Variants in CSMD1 observed in about 807,000 individuals in gnomAD.
The protein encoded by CSMD1 is CUB and sushi domain-containing protein 1.
A neutral mutation model predicts 417.5 loss-of-function variants in CSMD1; 213 were observed. The ratio of observed to expected loss-of-function variants is 0.51; its 90% confidence interval spans 0.46 to 0.57. The LOEUF is 0.57. Ranked by LOEUF, CSMD1 falls within the 20% of genes least tolerant of loss-of-function variation. CSMD1 has a pLI of 0.00. For missense variants in CSMD1, 6,923 were observed against 4,529.7 expected, an observed-to-expected ratio of 1.53 and a Z score of -15.17; for synonymous variants, 2,862 against 1,736.8, an observed-to-expected ratio of 1.65 and a Z score of -16.11.
At chr8:4,008,907 G>C (rs1816342285) in intron 4 of CSMD1, among the ~76,000 whole-genome samples, 1 of 152,138 alleles carries the variant, frequency 6.6e-6, no homozygotes, top group South Asian at 2.1e-4. Context: ...ACCGCGCCCA[G>C]TCTGATTCAG....
chr8:4,088,192 A>G (rs1478032164), intron 3 of CSMD1, among the ~76,000 whole-genome samples: 1 of 152,114 alleles, frequency 6.6e-6, no homozygotes, highest in Non-Finnish European at 1.5e-5. Flanking sequence ...TTAATGCCCA[A>G]TCCCTTCATT....
chr8:4,844,278 T>C (rs1376573438), intron 1 of CSMD1, among the ~76,000 whole-genome samples: 1 of 152,182 alleles, frequency 6.6e-6, no homozygotes, highest in Non-Finnish European at 1.5e-5. Flanking sequence ...TCGGTGTTTT[T>C]GTTTACCTAA....
At chr8:4,009,284 C>A (rs1383761970) in intron 4 of CSMD1, among the ~76,000 whole-genome samples, 2 of 152,182 alleles carry the variant, frequency 1.3e-5, no homozygotes, top group African/African-American at 2.4e-5. Context: ...GTGTATTTCT[C>A]AACTCTAGAA....
intron 23 of CSMD1, among the ~76,000 whole-genome samples, chr8:3,338,202 A>G (rs762991035): frequency 6.6e-6 from 1 of 152,124 alleles, no homozygotes; most frequent in Admixed American, 6.5e-5. Flanking sequence ...TTGTTGAACC[A>G]CACGTGTATG....
rs1212144778 is a variant in CSMD1, at chr8:4,027,478, A to G, written c.610+4427T>C. ...TTCTTGTGACAGTGGGTGAGTTCTC[A>G]TGAGATATGATGGCTTTATAAGGGT... is the stretch of plus-strand genomic sequence containing the variant. On this transcript the variant is annotated intron_variant, in intron 4 of 69. Transcript: ENST00000635120. Among the ~76,000 whole-genome samples, 3 of 152,052 alleles carry G rather than the reference A, an allele frequency of 2.0e-5. No individual in the cohort carries two copies. The East Asian group carries it at 5.8e-4, about 29-fold the overall frequency.
At chr8:4,538,151 T>C (rs1797195766) in intron 2 of CSMD1, among the ~76,000 whole-genome samples, 1 of 151,778 alleles carries the variant, frequency 6.6e-6, no homozygotes, top group Non-Finnish European at 1.5e-5. Context: ...GGCACAGGTA[T>C]ACCATGACTC....
intron 3 of CSMD1, among the ~76,000 whole-genome samples, chr8:4,338,776 G>A (rs960557037): frequency 2.0e-5 from 3 of 151,916 alleles, no homozygotes; most frequent in African/African-American, 7.3e-5. Flanking sequence ...GAACCCAAAT[G>A]AATCATATTG....
intron 18 of CSMD1, among the ~76,000 whole-genome samples, chr8:3,369,774 G>T (rs270095): frequency 0.15 from 22,732 of 152,196 alleles, 1,991 homozygotes; most frequent in Non-Finnish European, 0.2. Flanking sequence ...TGGAAAAAAA[G>T]AAGAGAAAGT....
intron 5 of CSMD1, among the ~76,000 whole-genome samples, chr8:3,755,798 G>A (rs1466312677): frequency 2.0e-5 from 3 of 152,068 alleles, no homozygotes; most frequent in African/African-American, 7.2e-5. Context: ...TTATGCCACT[G>A]TTTGAAATAA....
intron 5 of CSMD1, among the ~76,000 whole-genome samples, chr8:3,819,408 A>G (rs541899470): frequency 2.6e-5 from 4 of 152,192 alleles, no homozygotes; most frequent in African/African-American, 9.6e-5. Flanking sequence ...GTTTACATTA[A>G]TATTTTATCA....
chr8:3,251,102 C>T (rs2117031560), intron 26 of CSMD1, among the ~76,000 whole-genome samples: 1 of 152,102 alleles, frequency 6.6e-6, no homozygotes, highest in Admixed American at 6.5e-5. Flanking sequence ...GTTTTGTTGC[C>T]ATTGCTTTTG....
chr8:3,877,965 T>A (rs1226282117), intron 5 of CSMD1, among the ~76,000 whole-genome samples: 1 of 139,066 alleles, frequency 7.2e-6, no homozygotes, highest in African/African-American at 2.7e-5. Flanking sequence ...TCATGCAAAG[T>A]TTTTTTTTTT....
rs139580575 is a variant in CSMD1, at chr8:3,461,246, G to A, written c.1561+7466C>T. Among the ~76,000 whole-genome samples the A allele has an allele frequency of 6.3e-3, 960 of 152,334 alleles. 7 individuals are homozygous for A. The highest frequency in any genetic ancestry group is 0.021 in the African/African-American group (878 of 41,578). On this transcript the variant is annotated intron_variant, in intron 12 of 69. Transcript: ENST00000635120. ...AAGATGCAAGGGCTACTGACCCCGA[G>A]ACCTGGCATTCCTGCCACAGACTGC...
intron 1 of CSMD1, among the ~76,000 whole-genome samples, chr8:4,744,163 A>C (rs546072038): frequency 2.8e-4 from 42 of 152,322 alleles, no homozygotes; most frequent in African/African-American, 9.4e-4. Context: ...CCCTATAAAG[A>C]GCGTCGCAGT....
chr8:3,537,818 T>G (rs751917382), intron 10 of CSMD1, among the ~76,000 whole-genome samples: 2 of 152,222 alleles, frequency 1.3e-5, no homozygotes, highest in Non-Finnish European at 2.9e-5. Flanking sequence ...GGCACAAACT[T>G]GGTCAAATGT....
intron 23 of CSMD1, among the ~76,000 whole-genome samples, chr8:3,338,597 T>G (rs1282743907): frequency 6.6e-6 from 1 of 152,162 alleles, no homozygotes. Flanking sequence ...GCCAAGTGCC[T>G]GGGCTCAGAG....
chr8:3,346,194 G>C (rs1011845229), intron 22 of CSMD1, among the ~76,000 whole-genome samples: 11 of 152,196 alleles, frequency 7.2e-5, no homozygotes, highest in Non-Finnish European at 1.3e-4. Flanking sequence ...AATTAAATGT[G>C]AGAAGCACGT....
chr8:4,903,564 G>A (rs1001254769), intron 1 of CSMD1, among the ~76,000 whole-genome samples: 1 of 152,114 alleles, frequency 6.6e-6, no homozygotes. Flanking sequence ...TGGTCTCTCT[G>A]GTGGCAATTT....
chr8:4,587,564 A>G (rs1393696813), intron 2 of CSMD1, among the ~76,000 whole-genome samples: 1 of 152,140 alleles, frequency 6.6e-6, no homozygotes, highest in Non-Finnish European at 1.5e-5. Context: ...ATTTTGATAC[A>G]GAACCTTTCC....
Sources: allele counts gnomAD v4.1 joint callset (sites outside exome capture counted in the v4.1 genomes callset), GRCh38; gene constraint gnomAD v4.1.1; transcripts MANE v1.5; gene names NCBI Gene and HGNC (gene_info 2026-07-23, HGNC 2026-07-21).